Variants in KGD4 observed in about 807,000 individuals in gnomAD.
KGD4 encodes alpha-ketoglutarate dehydrogenase subunit 4, also known as alpha-ketoglutarate dehydrogenase component 4.
the KGD4 span, among the ~76,000 whole-genome samples, chr5:69,223,440 C>T: frequency 6.6e-6 from 1 of 151,958 alleles, no homozygotes; most frequent in African/African-American, 2.4e-5. Context: ...GAACACATTC[C>T]AGCATTTTCT....
the KGD4 span, chr5:69,228,488 C>T: frequency 1.7e-6 from 2 of 1,207,498 alleles, no homozygotes; most frequent in Non-Finnish European, 2.3e-6. Flanking sequence ...ATTGTCTTGT[C>T]AGAGTGTGGT....
the KGD4 span, among the ~76,000 whole-genome samples, chr5:69,220,231 AAAAAAAAC>A: frequency 5.3e-5 from 8 of 152,104 alleles, no homozygotes; most frequent in Admixed American, 3.9e-4. Context: ...TGACTCAAAA[AAAAAAAAC>A]AAAAAAACAT....
chr5:69,223,817 T>C, the KGD4 span, among the ~76,000 whole-genome samples: 5 of 151,848 alleles, frequency 3.3e-5, no homozygotes, highest in Non-Finnish European at 7.4e-5. Context: ...TCCCAGCACT[T>C]TGGGAGGCCG....
chr5:69,227,536 A>G, the KGD4 span, among the ~76,000 whole-genome samples: 3 of 152,162 alleles, frequency 2.0e-5, no homozygotes, highest in African/African-American at 7.2e-5. Flanking sequence ...TCTTTAATTC[A>G]GGCAATTTTA....
At chr5:69,219,468 C>G in the KGD4 span, among the ~76,000 whole-genome samples, 1 of 152,088 alleles carries the variant, frequency 6.6e-6, no homozygotes, top group Non-Finnish European at 1.5e-5. Flanking sequence ...TTTCTGATAG[C>G]CCCCAAACCA....
the KGD4 span, among the ~76,000 whole-genome samples, chr5:69,219,735 A>G: frequency 1.3e-5 from 2 of 152,184 alleles, no homozygotes; most frequent in Admixed American, 6.6e-5. Context: ...TGCTAATATA[A>G]TATCACTTGA....
chr5:69,228,424 C>T, the KGD4 span: 3 of 1,545,460 alleles, frequency 1.9e-6, no homozygotes, highest in South Asian at 3.8e-5. Context: ...CTACGCAAAA[C>T]ACCATAACAT....
the KGD4 span, among the ~76,000 whole-genome samples, chr5:69,218,454 GTGTGTGTGTATATTAA>G: frequency 7.4e-6 from 1 of 134,674 alleles, no homozygotes; most frequent in African/African-American, 2.9e-5. Flanking sequence ...TAATTAGTAT[GTGTGTGTGTATATTAA>G]TGTGTGTGTG....
chr5:69,228,395 G>A, the KGD4 span: 25 of 1,589,794 alleles, frequency 1.6e-5, no homozygotes, highest in Admixed American at 1.3e-4. Context: ...CAAGTATGTC[G>A]TTGCTCTTTA....
At chr5:69,218,541 T>G in the KGD4 span, among the ~76,000 whole-genome samples, 2 of 151,902 alleles carry the variant, frequency 1.3e-5, no homozygotes, top group African/African-American at 4.8e-5. Context: ...CTGGTTTAGA[T>G]AGACAGCTAA....
At chr5:69,217,928 G>A in the KGD4 span, 30 of 1,613,298 alleles carry the variant, frequency 1.9e-5, no homozygotes, top group Non-Finnish European at 2.5e-5. Context: ...GCTGACTATG[G>A]CGACGGCGTC....
the KGD4 span, chr5:69,217,791 G>C: frequency 6.2e-7 from 1 of 1,612,922 alleles, no homozygotes; most frequent in Non-Finnish European, 8.5e-7. Context: ...GATCGCCGCG[G>C]CTCGCTCGCG....
chr5:69,225,455 C>A, the KGD4 span, among the ~76,000 whole-genome samples: 1 of 151,286 alleles, frequency 6.6e-6, no homozygotes, highest in African/African-American at 2.4e-5. Flanking sequence ...TTAGTAGATA[C>A]GAGGTTTCAC....
chr5:69,224,389 CAA>C, the KGD4 span, among the ~76,000 whole-genome samples: 22,741 of 138,138 alleles, frequency 0.16, 1,833 homozygotes, highest in African/African-American at 0.22. Flanking sequence ...GACTCCATCT[CAA>C]AAAAAAAAAA....
chr5:69,226,222 T>C, the KGD4 span: 1 of 694,610 alleles, frequency 1.4e-6, no homozygotes, highest in Non-Finnish European at 2.5e-6. Context: ...GGGAAGAGTA[T>C]AATTTAAAGT....
At chr5:69,222,606 ATCT>A in the KGD4 span, among the ~76,000 whole-genome samples, 1 of 152,086 alleles carries the variant, frequency 6.6e-6, no homozygotes, top group Non-Finnish European at 1.5e-5. Flanking sequence ...AGGGAGTCTC[ATCT>A]TCTTGCTCAG....
the KGD4 span, chr5:69,229,469 C>G: frequency 2.8e-6 from 1 of 359,164 alleles, no homozygotes; most frequent in Non-Finnish European, 4.9e-6. Flanking sequence ...TAAATGTTAG[C>G]CTATTAATTT....
the KGD4 span, among the ~76,000 whole-genome samples, chr5:69,223,774 TTCCAGGCCAGGCATGGTGGC>T: frequency 6.6e-6 from 1 of 152,220 alleles, no homozygotes; most frequent in East Asian, 1.9e-4. Flanking sequence ...AAAATATGTA[TTCCAGGCCAGGCATGGTGGC>T]TCACGCCTGT....
At chr5:69,222,905 A>ACAG in the KGD4 span, among the ~76,000 whole-genome samples, 1 of 150,744 alleles carries the variant, frequency 6.6e-6, no homozygotes, top group Non-Finnish European at 1.5e-5. Context: ...CCTCCCGAGT[A>ACAG]GCTGGGATTA....
Sources: gnomAD v4.1 joint callset for allele counts (sites outside exome capture counted in the v4.1 genomes callset) on GRCh38, gnomAD v4.1.1 for gene constraint, MANE v1.5 for transcripts, NCBI Gene and HGNC (gene_info 2026-07-23, HGNC 2026-07-21) for gene names.